The following POGZ variants were observed in gnomAD, a reference collection of about 807,000 sequenced individuals.
POGZ encodes pogo transposable element derived with ZNF domain.
A neutral mutation model predicts 134.6 loss-of-function variants in POGZ; 17 were observed. That is an observed-to-expected ratio of 0.13 (90% CI 0.09 to 0.19). The LOEUF (loss-of-function observed/expected upper bound fraction) is 0.19, where lower values mean the gene tolerates loss of function less well. Among genes scored for constraint, POGZ ranks in the 10% least tolerant of loss-of-function variants. POGZ has a pLI of 1.00. For synonymous variants in POGZ, 693 were observed against 657.1 expected, an observed-to-expected ratio of 1.05 and a Z score of -0.84; for missense variants, 1,306 against 1,769.7, an observed-to-expected ratio of 0.74 and a Z score of 4.70.
At chr1:151,407,201 A>C in intron 16 of POGZ, 34 bp downstream of exon 16, 1 of 1,495,852 alleles carries the variant, frequency 6.7e-7, no homozygotes. Context: ...AAAAACCTGA[A>C]AAATTAAGAT....
Position 151,447,525 on chromosome 1 carries a change from C to T in POGZ, c.-1-5320G>A, listed in dbSNP as rs184252680. Among the ~76,000 whole-genome samples the T allele has an allele frequency of 1.2e-4, 18 of 151,816 alleles. No individual in the cohort carries two copies. In the East Asian group the frequency reaches 3.1e-3, roughly 26 times the overall value. ...GGAGTACAGTGGCACAATCTCAGCT[C>T]ACTGCAACCTCCACCTCCCAGGCTC... On this transcript the variant is annotated intron_variant, in intron 1 of 18. Coordinates refer to ENST00000271715, the MANE Select transcript of POGZ (RefSeq NM_015100.4).
At position 151,442,448 on chromosome 1, in the gene POGZ, A is replaced by G. The variant is rs9659456; in HGVS notation, c.-1-243T>C. On this transcript the variant is annotated intron_variant, in intron 1 of 18. Transcript: ENST00000271715. Reference sequence around the variant, plus strand: ...TTACAGGCCGGGCATGGTGGCTCCCACCTGTAATCCCAACATTTTGGGAAG... The same window carrying G: ...TTACAGGCCGGGCATGGTGGCTCCCGCCTGTAATCCCAACATTTTGGGAAG... The G allele has an allele frequency of 0.91, 268,287 of 294,576 alleles. 122,907 individuals carry two copies. The highest frequency in any genetic ancestry group is 0.96 in the Middle Eastern group (948 of 988). The allele number at this position is 294,576 out of a possible 1,614,324, so 18.2% of individuals were successfully genotyped here. A position where few individuals can be genotyped will look rare whatever the true frequency, so the allele number is the denominator to read the frequency against.
chr1:151,429,048 TG>T (rs1352036211), intron 5 of POGZ, among the ~76,000 whole-genome samples: 1 of 152,100 alleles, frequency 6.6e-6, no homozygotes, highest in East Asian at 1.9e-4. Flanking sequence ...TGGTCTGAAT[TG>T]TAGTAAACTT....
intron 3 of POGZ, among the ~76,000 whole-genome samples, chr1:151,439,264 G>A (rs1660127981): frequency 6.6e-6 from 1 of 152,086 alleles, no homozygotes; most frequent in Non-Finnish European, 1.5e-5. Flanking sequence ...TAAAATAATA[G>A]AAATCTTTAC....
At position 151,406,375 on chromosome 1, in the gene POGZ, A is replaced by G; in HGVS notation, c.2660T>C (p.Val887Ala). Reference sequence around the variant, plus strand: ...AGCTGGGGTGGCCCCCGCAGATTTCACAGTGGCAGCTTTGTTAGTGGGGAA... The same window carrying G: ...AGCTGGGGTGGCCCCCGCAGATTTCGCAGTGGCAGCTTTGTTAGTGGGGAA... Reference protein sequence around the residue: ...PSFPTNKAATVKSAGATPAEP... With the variant: ...PSFPTNKAATAKSAGATPAEP... The change falls in exon 19 of 19, where the codon GTG becomes GCG. Residue 887 changes from valine to alanine, a missense_variant. Coordinates refer to ENST00000271715, the MANE Select transcript of POGZ (RefSeq NM_015100.4). The G allele has an allele frequency of 6.3e-7, 1 of 1,585,848 alleles. No individual in the cohort carries two copies. Among genetic ancestry groups the G allele is most frequent in the South Asian group, 1.2e-5 (1 of 86,150 alleles).
intron 5 of POGZ, among the ~76,000 whole-genome samples, chr1:151,428,750 T>C (rs1658185866): frequency 6.6e-6 from 1 of 152,134 alleles, no homozygotes; most frequent in Non-Finnish European, 1.5e-5. Context: ...ATAGGCCAAA[T>C]GGCAAACCTG....
At chr1:151,436,965 A>C (rs1037892382) in intron 3 of POGZ, among the ~76,000 whole-genome samples, 1 of 152,164 alleles carries the variant, frequency 6.6e-6, no homozygotes, top group Non-Finnish European at 1.5e-5. Flanking sequence ...AGGCCAAGAC[A>C]GGCAGATTAC....
intron 3 of POGZ, among the ~76,000 whole-genome samples, chr1:151,434,609 AGT>A (rs1430430592): frequency 1.3e-5 from 2 of 152,196 alleles, no homozygotes; most frequent in Non-Finnish European, 2.9e-5. Context: ...TTTGAGACAG[AGT>A]CTTGCTCTGT....
rs778533911 is a variant in POGZ at position 151,404,922 on chromosome 1, G to A, written c.4113C>T (p.Pro1371=). ...CAATTGTCTCTTCAGGAGATGATCT[G>A]GGTCGTGGAGTGGAAGACTCAGAAT... ...GEHSESSTPR[P]RSSPEETIEP... Residue 1371 remains proline, a synonymous_variant, in exon 19 of 19, where the codon CCC becomes CCT. Transcript: ENST00000271715. 5.0e-6 allele frequency: 8 copies of A among 1,614,192 alleles called. No individual in the cohort carries two copies. In the East Asian group the frequency reaches 1.6e-4, roughly 31 times the overall value.
chr1:151,443,504 CG>C lies in POGZ; in HGVS notation c.-1-1300del, dbSNP rs372024678. On this transcript the variant is annotated intron_variant, in intron 1 of 18. Transcript: ENST00000271715. The stretch of plus-strand genomic sequence containing the variant: ...CACCTGAGGTCGGATCACCTGAGAT[CG>C]GGAGTTTGAGATCAGCCTGACCAAC... 1.8e-4 allele frequency among the ~76,000 whole-genome samples: 27 copies of C among 152,242 alleles called. No individual in the cohort carries two copies. The South Asian group carries it at 5.6e-3, about 32-fold the overall frequency.
chr1:151,437,307 T>C lies in POGZ; in HGVS notation c.283+3621A>G, dbSNP rs143476961. On this transcript the variant is annotated intron_variant, in intron 3 of 18. Transcript: ENST00000271715. ...ATCACATCTTTAATGTAGTTCTATT[T>C]ATCAATTTTACCCTTTATGGTTAGC... Among the ~76,000 whole-genome samples, 1,365 of 152,256 alleles carry C rather than the reference T, an allele frequency of 9.0e-3. 19 individuals are homozygous for C. The highest frequency in any genetic ancestry group is 0.03 in the African/African-American group (1,267 of 41,548).
chr1:151,440,833 T>C, intron 3 of POGZ, 95 bp downstream of exon 3: 1 of 967,900 alleles, frequency 1.0e-6, no homozygotes, highest in East Asian at 2.4e-5. Flanking sequence ...GAACCACATC[T>C]GTACCTAACT....
At chr1:151,442,226 T>C in intron 1 of POGZ, 21 bp from the exon 2 acceptor site, 1 of 1,607,716 alleles carries the variant, frequency 6.2e-7, no homozygotes, top group South Asian at 1.1e-5. Context: ...AACATTCAAA[T>C]AAGATATGGG....
At position 151,440,918 on chromosome 1, in the gene POGZ, T is replaced by G. The variant is rs937168991; in HGVS notation, c.283+10A>C. The G allele has an allele frequency of 1.2e-6, 2 of 1,611,102 alleles. No homozygotes were observed. The highest frequency in any genetic ancestry group is 1.7e-6 in the Non-Finnish European group (2 of 1,177,490). ...GCCCAGGATTATTATTTCCCAATAA[T>G]CCCACTTACCATTGTTGTTGGCAAT... On this transcript the variant is annotated intron_variant, in intron 3 of 18. Coordinates refer to ENST00000271715, the MANE Select transcript of POGZ (RefSeq NM_015100.4).
At chr1:151,424,480 A>G (rs1397569859) in intron 8 of POGZ, 194 bp from the exon 9 acceptor site, 1 of 464,150 alleles carries the variant, frequency 2.2e-6, no homozygotes, top group Non-Finnish European at 3.8e-6. Context: ...CCCAAGCGCT[A>G]TACTTTGTAT....
chr1:151,418,602 A>G (rs1424581968), intron 10 of POGZ, among the ~76,000 whole-genome samples: 1 of 152,262 alleles, frequency 6.6e-6, no homozygotes, highest in Non-Finnish European at 1.5e-5. Context: ...TTTCTAGCAT[A>G]AACACATAGA....
chr1:151,432,873 TTAAG>T lies in POGZ; in HGVS notation c.284-2036_284-2033del, dbSNP rs1256233060. The stretch of plus-strand genomic sequence containing the variant: ...CAAAATTCAAATTTACTTGTATTTT[TTAAG>T]TAATTTGTCTGAATCCAGTTACAAA... On this transcript the variant is annotated intron_variant, in intron 3 of 18. Transcript: ENST00000271715. Among the ~76,000 whole-genome samples the T allele has an allele frequency of 2.6e-5, 4 of 152,200 alleles. No individual in the cohort carries two copies. The East Asian group carries it at 5.8e-4, about 22-fold the overall frequency.
chr1:151,436,282 C>T lies in POGZ; in HGVS notation c.283+4646G>A, dbSNP rs1404095197. Among the ~76,000 whole-genome samples, 4 of 151,980 alleles carry T rather than the reference C, an allele frequency of 2.6e-5. No individual in the cohort carries two copies. In the East Asian group the frequency reaches 7.7e-4, roughly 29 times the overall value. ...CTAGATCCAGAACATATTCATCGCC[C>T]TCAAAAGAAACCTCATTTCCCCTAG... On this transcript the variant is annotated intron_variant, in intron 3 of 18. Transcript: ENST00000271715.
At position 151,405,387 on chromosome 1, in the gene POGZ, G is replaced by T. The variant is rs765869036; in HGVS notation, c.3648C>A (p.His1216Gln). ...TGCCTTTGCTGCGCTGGCAAGCTGT[G>T]TGCTTCTGCCACACTCGAGTTGACC... ...ELWSTRVWQK[H>Q]TACQRSKGML... The change falls in exon 19 of 19, where the codon CAC becomes CAA. Residue 1216 changes from histidine (H) to glutamine (Q), a missense_variant. By Grantham distance (24) the His-to-Gln change is conservative (BLOSUM62 0). Coordinates refer to ENST00000271715, the MANE Select transcript of POGZ (RefSeq NM_015100.4). This position sits in a 1 kb window ranked among gnomAD's most constrained non-coding sequence, Gnocchi z 4.9. 6.2e-7 allele frequency: 1 copy of T among 1,614,054 alleles called. No individual in the cohort carries two copies. The highest frequency in any genetic ancestry group is 8.5e-7 in the Non-Finnish European group (1 of 1,179,932).
Sources: allele counts gnomAD v4.1 joint callset (sites outside exome capture counted in the v4.1 genomes callset), GRCh38; gene constraint gnomAD v4.1.1; non-coding constraint Gnocchi (gnomAD v3.1); transcripts MANE v1.5; gene names NCBI Gene and HGNC (gene_info 2026-07-23, HGNC 2026-07-21).